The following HSD11B1 variants were observed in gnomAD, a reference collection of about 807,000 sequenced individuals.
HSD11B1 encodes the protein 11-beta-hydroxysteroid dehydrogenase 1.
A neutral mutation model predicts 22.1 loss-of-function variants in HSD11B1; 15 were observed. The observed-to-expected ratio is 0.68, with a 90% CI of 0.45 to 1.04. The LOEUF (loss-of-function observed/expected upper bound fraction) is 1.04, where lower values mean the gene tolerates loss of function less well. HSD11B1 is among the 50% of genes least tolerant of loss of function. The probability of loss-of-function intolerance (pLI) is 0.00; values close to 1 mark genes in which losing one functional copy is unlikely to be tolerated. For missense variants in HSD11B1, 281 were observed against 357.6 expected, an observed-to-expected ratio of 0.79 and a Z score of 1.73; for synonymous variants, 122 against 125.2, an observed-to-expected ratio of 0.97 and a Z score of 0.17.
At chr1:209,691,656 A>G (rs892600040) in intron 1 of HSD11B1, among the ~76,000 whole-genome samples, 2 of 152,260 alleles carry the variant, frequency 1.3e-5, no homozygotes, top group African/African-American at 4.8e-5. Flanking sequence ...GAAGACTAGA[A>G]GAAAAGAAAT....
At chr1:209,719,476 T>C (rs1437280690) in intron 4 of HSD11B1, among the ~76,000 whole-genome samples, 1 of 152,198 alleles carries the variant, frequency 6.6e-6, no homozygotes, top group Non-Finnish European at 1.5e-5. Context: ...TTAGTTTTGC[T>C]ACATGAAAAG....
chr1:209,733,678 G>T (rs1016091070), intron 5 of HSD11B1, among the ~76,000 whole-genome samples: 1 of 152,138 alleles, frequency 6.6e-6, no homozygotes, highest in African/African-American at 2.4e-5. Flanking sequence ...TCTAAAACAT[G>T]TGGCAGATAT....
chr1:209,697,883 C>CTTTTTTTTTTTTTTTTTT (rs1558187212), intron 1 of HSD11B1, among the ~76,000 whole-genome samples: 3 of 21,940 alleles, frequency 1.4e-4, no homozygotes, highest in African/African-American at 2.5e-4. Context: ...TTTGTTTTTT[C>CTTTTTTTTTTTTTTTTTT]CTTTTTTTTT....
At chr1:209,689,318 C>T (rs924709192) in intron 1 of HSD11B1, among the ~76,000 whole-genome samples, 1 of 152,166 alleles carries the variant, frequency 6.6e-6, no homozygotes, top group South Asian at 2.1e-4. Flanking sequence ...ACAAACACTA[C>T]AGACATTGAT....
chr1:209,697,487 C>T (rs984059706), intron 1 of HSD11B1, among the ~76,000 whole-genome samples: 1 of 152,212 alleles, frequency 6.6e-6, no homozygotes, highest in Non-Finnish European at 1.5e-5. Context: ...TCCATTAGCG[C>T]ACTGGTAATG....
At chr1:209,709,148 C>T (rs759865519) in intron 4 of HSD11B1, among the ~76,000 whole-genome samples, 10 of 152,186 alleles carry the variant, frequency 6.6e-5, no homozygotes, top group Non-Finnish European at 1.3e-4. Context: ...CCAAACAGTA[C>T]TGGGATGGAG....
At chr1:209,686,897 C>T (rs1007676073) in intron 1 of HSD11B1, among the ~76,000 whole-genome samples, 3 of 152,224 alleles carry the variant, frequency 2.0e-5, no homozygotes, top group African/African-American at 4.8e-5. Flanking sequence ...TCTTCATGTG[C>T]TATTCATCTA....
At chr1:209,719,511 T>C (rs1390791658) in intron 4 of HSD11B1, among the ~76,000 whole-genome samples, 1 of 152,226 alleles carries the variant, frequency 6.6e-6, no homozygotes, top group Non-Finnish European at 1.5e-5. Flanking sequence ...ATGGTGGTGA[T>C]GGTTGCACAG....
rs1207044022 is a variant in HSD11B1 at position 209,696,099 on chromosome 1, C to G, written c.-48-8796C>G. Among the ~76,000 whole-genome samples the G allele has an allele frequency of 2.0e-5, 3 of 152,134 alleles. No homozygotes were observed. In the East Asian group the frequency reaches 5.8e-4, roughly 29 times the overall value. On this transcript the variant is annotated intron_variant, in intron 1 of 6. Transcript: ENST00000261465. ...AACATGTTAAGTGAAAGAAGTCAGA[C>G]AAAAGATTACACGTTGTGTAGTTCT... is the stretch of plus-strand genomic sequence containing the variant.
chr1:209,708,512 A>C (rs934461612), intron 4 of HSD11B1, among the ~76,000 whole-genome samples: 3 of 151,960 alleles, frequency 2.0e-5, no homozygotes, highest in Non-Finnish European at 2.9e-5. Flanking sequence ...CACACTCCCC[A>C]CCCCTCCCCA....
chr1:209,693,674 T>C (rs545257713), intron 1 of HSD11B1, among the ~76,000 whole-genome samples: 43 of 152,336 alleles, frequency 2.8e-4, no homozygotes, highest in African/African-American at 9.9e-4. Flanking sequence ...GAAAGGATGC[T>C]CAGCCCAGCA....
At chr1:209,702,732 C>T (rs779290385), upstream of HSD11B1, among the ~76,000 whole-genome samples, 17 of 152,212 alleles carry the variant, frequency 1.1e-4, no homozygotes, top group Non-Finnish European at 2.2e-4. Flanking sequence ...ATAGGTAAAA[C>T]CTACACAGGC....
rs190039491 is a variant in HSD11B1, at chr1:209,690,978, C to G, written c.-49+4693C>G. On this transcript the variant is annotated intron_variant, in intron 1 of 6. Coordinates refer to the HSD11B1 transcript ENST00000261465. ...CATATTCAGTGGACCCAGTGGGTGC[C>G]CAACACAATGAACCACAAAAACAAA... 2.5e-3 allele frequency among the ~76,000 whole-genome samples: 383 copies of G among 152,072 alleles called. 1 individual carries two copies. Among genetic ancestry groups the G allele is most frequent in the African/African-American group, 8.7e-3 (359 of 41,448 alleles).
intron 1 of HSD11B1, 152 bp downstream of exon 1, chr1:209,705,182 T>C: frequency 1.4e-6 from 1 of 714,420 alleles, no homozygotes; most frequent in South Asian, 1.5e-5. Flanking sequence ...GTCCTCCAGC[T>C]ACAGGCTGTG....
intron 1 of HSD11B1, among the ~76,000 whole-genome samples, chr1:209,696,118 T>C (rs2102358483): frequency 6.6e-6 from 1 of 152,340 alleles, no homozygotes; most frequent in African/African-American, 2.4e-5. Flanking sequence ...ACACGTTGTG[T>C]AGTTCTACTA....
chr1:209,709,937 A>AACACACACACACACACACACAC (rs71143893), intron 4 of HSD11B1, among the ~76,000 whole-genome samples: 2 of 143,894 alleles, frequency 1.4e-5, no homozygotes, highest in East Asian at 2.1e-4. Context: ...CCACATGTGA[A>AACACACACACACACACACACAC]ACACACACAC....
At chr1:209,710,442 C>T (rs1194721331) in intron 4 of HSD11B1, among the ~76,000 whole-genome samples, 3 of 152,176 alleles carry the variant, frequency 2.0e-5, no homozygotes, top group Admixed American at 2.0e-4. Flanking sequence ...AGCCCCCTAC[C>T]TCCTATGAAG....
upstream of HSD11B1, chr1:209,686,246 A>G (rs1171759955): frequency 2.0e-5 from 3 of 152,258 alleles, no homozygotes; most frequent in African/African-American, 7.2e-5. Context: ...AGAAAAAAGA[A>G]CATCAATAAA....
chr1:209,723,032 GTGGC>G (rs1201509338), intron 4 of HSD11B1, among the ~76,000 whole-genome samples: 2 of 152,130 alleles, frequency 1.3e-5, no homozygotes, highest in Admixed American at 1.3e-4. Context: ...TGTTTCTACA[GTGGC>G]TGAGTCCCCG....
Sources: gnomAD v4.1 joint callset for allele counts (sites outside exome capture counted in the v4.1 genomes callset) on GRCh38, gnomAD v4.1.1 for gene constraint, MANE v1.5 for transcripts, NCBI Gene and HGNC (gene_info 2026-07-23, HGNC 2026-07-21) for gene names.